Variants in SFMBT2 observed in about 807,000 individuals in gnomAD.
The protein encoded by SFMBT2 is scm-like with four MBT domains protein 2.
Under a neutral mutation model 110.1 loss-of-function variants are expected in SFMBT2, and 38 were observed. That is an observed-to-expected ratio of 0.35 (90% confidence interval 0.27 to 0.45). The LOEUF (loss-of-function observed/expected upper bound fraction) is 0.45. Among genes scored for constraint, SFMBT2 ranks in the 20% least tolerant of loss-of-function variants. The pLI is 1.00. For missense variants in SFMBT2, 1,011 were observed against 1,094.9 expected (o/e 0.92, Z 1.08); for synonymous variants, 425 against 425.4 (o/e 1.00, Z 0.01).
intron 14 of SFMBT2, among the ~76,000 whole-genome samples, chr10:7,199,531 T>C (rs1442888055): frequency 6.6e-6 from 1 of 152,058 alleles, no homozygotes; most frequent in Non-Finnish European, 1.5e-5. Flanking sequence ...AGAAAAGGAG[T>C]AAAATTACAA....
chr10:7,197,478 A>G (rs1027347944), intron 15 of SFMBT2, 70 bp downstream of exon 15: 12 of 1,572,084 alleles, frequency 7.6e-6, no homozygotes, highest in Non-Finnish European at 1.0e-5. Context: ...TCCCTCCTTC[A>G]GAAACTGAGC....
intron 4 of SFMBT2, among the ~76,000 whole-genome samples, chr10:7,330,264 T>A (rs1274447837): frequency 1.3e-5 from 2 of 152,184 alleles, no homozygotes; most frequent in East Asian, 1.9e-4. Flanking sequence ...TCATTATTTT[T>A]AAAAATAACT....
At chr10:7,225,688 G>T (rs1839879345) in intron 10 of SFMBT2, among the ~76,000 whole-genome samples, 1 of 152,126 alleles carries the variant, frequency 6.6e-6, no homozygotes, top group Non-Finnish European at 1.5e-5. Context: ...ACAGAGGACT[G>T]ATAAAAAGAA....
At chr10:7,177,938 G>A (rs1208204150) in intron 16 of SFMBT2, among the ~76,000 whole-genome samples, 2 of 152,154 alleles carry the variant, frequency 1.3e-5, no homozygotes, top group African/African-American at 2.4e-5. Flanking sequence ...ACCATGTGAG[G>A]GCAGAGGGAG....
chr10:7,217,554 A>G (rs1463802143), intron 11 of SFMBT2, among the ~76,000 whole-genome samples: 2 of 152,184 alleles, frequency 1.3e-5, no homozygotes, highest in Non-Finnish European at 2.9e-5. Context: ...AAAAGATGCT[A>G]AGGAAGACAA....
intron 7 of SFMBT2, among the ~76,000 whole-genome samples, chr10:7,255,009 C>A (rs944101829): frequency 6.6e-6 from 1 of 152,306 alleles, no homozygotes; most frequent in African/African-American, 2.4e-5. Flanking sequence ...AATAAGCCAA[C>A]AGACAGAACT....
chr10:7,276,895 A>C lies in SFMBT2; in HGVS notation c.867T>G (p.Phe289Leu), dbSNP rs1277721055. 6 of 870,562 alleles carry C rather than the reference A, an allele frequency of 6.9e-6. No homozygotes were observed. The allele number at this position is 870,562 out of a possible 1,614,324, so 53.9% of individuals were successfully genotyped here. Residue 289 changes from phenylalanine to leucine, a missense_variant, in exon 7 of 21, where the codon TTT (phenylalanine) becomes TTG (leucine). Physicochemically the swap from Phe to Leu is conservative, Grantham distance 22. This residue lies in a region of SFMBT2 where 979 missense variants were observed against 1,016.1 expected (regional missense o/e 0.96). Coordinates refer to ENST00000397167, the MANE Select transcript of SFMBT2 (RefSeq NM_001387889.1). Reference protein sequence around the residue: ...AAKFPLPMEVFKDHADLRSHF... With the variant: ...AAKFPLPMEVLKDHADLRSHF... The stretch of plus-strand genomic sequence containing the variant: ...TTGCTAAGAATCAACATCTTACCTT[A>C]AACACTTCCATTGGAAGAGGAAATT...
intron 4 of SFMBT2, among the ~76,000 whole-genome samples, chr10:7,364,216 C>T (rs568857652): frequency 6.6e-6 from 1 of 152,222 alleles, no homozygotes; most frequent in Non-Finnish European, 1.5e-5. Context: ...ATACTGATTA[C>T]CCACTAAATG....
Position 7,220,374 on chromosome 10 carries a change from T to A in SFMBT2, c.1330+37A>T, listed in dbSNP as rs375892598. 6.3e-6 allele frequency: 10 copies of A among 1,598,722 alleles called. No homozygotes were observed. The African/African-American group carries it at 1.2e-4, about 19-fold the overall frequency. The stretch of plus-strand genomic sequence containing the variant: ...CGTTGCCATTTCGACAAACTCTACA[T>A]TCCCCCCAGCGACTGCTACCCCCAG... On this transcript the variant is annotated intron_variant, in intron 11 of 20. Transcript: ENST00000397167.
At chr10:7,257,120 G>A (rs192149131) in intron 7 of SFMBT2, among the ~76,000 whole-genome samples, 3 of 122,576 alleles carry the variant, frequency 2.4e-5, no homozygotes, top group Admixed American at 8.5e-5. Flanking sequence ...GGGGAGGGGA[G>A]GGGAAAGAAA....
At chr10:7,284,346 C>T in intron 5 of SFMBT2, 196 bp from the exon 6 acceptor site, 6 of 1,340,822 alleles carry the variant, frequency 4.5e-6, no homozygotes, top group Non-Finnish European at 5.8e-6. Flanking sequence ...CATCCATGTA[C>T]CCCATTCCGT....
intron 4 of SFMBT2, among the ~76,000 whole-genome samples, chr10:7,366,636 A>G (rs112348729): frequency 0.065 from 9,852 of 152,256 alleles, 1,048 homozygotes; most frequent in African/African-American, 0.22. Context: ...CGCTGCTGCC[A>G]TTATCATACA....
At chr10:7,251,450 G>T (rs1840808443) in intron 7 of SFMBT2, among the ~76,000 whole-genome samples, 1 of 152,138 alleles carries the variant, frequency 6.6e-6, no homozygotes, top group Non-Finnish European at 1.5e-5. Context: ...CTCCAGCCTG[G>T]GTGACAGGGT....
chr10:7,344,608 G>A (rs1456882945), intron 4 of SFMBT2, among the ~76,000 whole-genome samples: 1 of 152,100 alleles, frequency 6.6e-6, no homozygotes, highest in Non-Finnish European at 1.5e-5. Flanking sequence ...CAACCACCAT[G>A]CAAGAAGAGA....
chr10:7,197,945 A>C (rs1265523945), intron 14 of SFMBT2: 5 of 972,482 alleles, frequency 5.1e-6, no homozygotes, highest in Non-Finnish European at 6.1e-6. Context: ...GCAGAGAAAA[A>C]CAGATGATTT....
Position 7,339,604 on chromosome 10 carries a change from A to G in SFMBT2, c.436+28045T>C, listed in dbSNP as rs138422825. On this transcript the variant is annotated intron_variant, in intron 4 of 20. Transcript: ENST00000397167. ...GTGATCTTCATCACCCCTAAGCCTTATATCTTACTCTCCACAAATTAGACT... is the reference window on the plus strand; with the variant it reads ...GTGATCTTCATCACCCCTAAGCCTTGTATCTTACTCTCCACAAATTAGACT... 5.8e-3 allele frequency among the ~76,000 whole-genome samples: 887 copies of G among 152,284 alleles called. 6 individuals carry two copies. The highest frequency in any genetic ancestry group is 0.019 in the African/African-American group (808 of 41,540).
Position 7,163,287 on chromosome 10 carries a change from A to C in SFMBT2, c.*483T>G. On this transcript the variant is annotated 3_prime_UTR_variant, in exon 21 of 21. Coordinates refer to ENST00000397167, the MANE Select transcript of SFMBT2 (RefSeq NM_001387889.1). The surrounding 1 kb of genome is among the most constrained non-coding windows in gnomAD (Gnocchi z 4.8). ...CCAGCTGCATTGCAAAGGAGTTGCC[A>C]CCAAGATGAAACCGCAAGTGCCACT... 1 of 156,320 alleles carries C rather than the reference A, an allele frequency of 6.4e-6. No homozygotes were observed. Among genetic ancestry groups the C allele is most frequent in the Non-Finnish European group, 1.4e-5 (1 of 70,542 alleles). The allele number at this position is 156,320 out of a possible 1,614,324, so 9.7% of individuals were successfully genotyped here.
In SFMBT2 at chr10:7,397,556, G is replaced by A. The variant is rs570106729; in HGVS notation, c.-52+13305C>T. On this transcript the variant is annotated intron_variant, in intron 1 of 20. Coordinates refer to ENST00000397167, the MANE Select transcript of SFMBT2 (RefSeq NM_001387889.1). ...TCCAGGAATTTCAAAATGAGCACAG[G>A]CATCTATGCTGAGACCTTTCAAAAT... Among the ~76,000 whole-genome samples, 11 of 152,118 alleles carry A rather than the reference G, an allele frequency of 7.2e-5. No homozygotes were observed. The South Asian group carries it at 2.3e-3, about 32-fold the overall frequency.
At chr10:7,286,655 A>G (rs1219898662) in intron 4 of SFMBT2, among the ~76,000 whole-genome samples, 1 of 152,178 alleles carries the variant, frequency 6.6e-6, no homozygotes, top group Non-Finnish European at 1.5e-5. Flanking sequence ...TCCAGAGATG[A>G]TTTAAGGTCT....
Sources: allele counts gnomAD v4.1 joint callset (sites outside exome capture counted in the v4.1 genomes callset), GRCh38; gene constraint gnomAD v4.1.1; regional missense constraint gnomAD v4.1.1; non-coding constraint Gnocchi (gnomAD v3.1); transcripts MANE v1.5; gene names NCBI Gene and HGNC (gene_info 2026-07-23, HGNC 2026-07-21).